Variants in GALNT1 observed in about 807,000 individuals in gnomAD.
GALNT1 encodes the protein GalNAc transferase 1.
A neutral mutation model predicts 65.7 loss-of-function variants in GALNT1; 17 were observed. That is an observed-to-expected ratio of 0.26 (90% CI 0.18 to 0.39). The LOEUF (loss-of-function observed/expected upper bound fraction) is 0.39. Among genes scored for constraint, GALNT1 ranks in the 10% least tolerant of loss-of-function variants. The probability of loss-of-function intolerance (pLI) is 1.00; values close to 1 mark genes in which losing one functional copy is unlikely to be tolerated. For missense variants in GALNT1, 460 were observed against 672.8 expected, an observed-to-expected ratio of 0.68 and a Z score of 3.50; for synonymous variants, 210 against 219.7, an observed-to-expected ratio of 0.96 and a Z score of 0.39.
At chr18:35,615,654 A>G (rs1273979738) in intron 1 of GALNT1, among the ~76,000 whole-genome samples, 1 of 152,226 alleles carries the variant, frequency 6.6e-6, no homozygotes, top group Non-Finnish European at 1.5e-5. Flanking sequence ...TTGCATACAA[A>G]GGATAAGGAT....
At chr18:35,593,192 C>T (rs2046465360) in intron 1 of GALNT1, among the ~76,000 whole-genome samples, 1 of 152,118 alleles carries the variant, frequency 6.6e-6, no homozygotes, top group South Asian at 2.1e-4. Flanking sequence ...ACGTGATTTC[C>T]TCATTAGGAG....
chr18:35,646,873 A>G (rs943843616), intron 1 of GALNT1, among the ~76,000 whole-genome samples: 1 of 152,102 alleles, frequency 6.6e-6, no homozygotes, highest in Non-Finnish European at 1.5e-5. Context: ...TGAAGGTTCA[A>G]AGGCACCTCA....
chr18:35,644,614 C>T (rs1362978270), intron 1 of GALNT1, among the ~76,000 whole-genome samples: 2 of 152,168 alleles, frequency 1.3e-5, no homozygotes, highest in Non-Finnish European at 2.9e-5. Flanking sequence ...CACCAATTTT[C>T]TTTGTAGTAG....
At chr18:35,612,464 TTA>T (rs1288541681) in intron 1 of GALNT1, among the ~76,000 whole-genome samples, 1 of 152,244 alleles carries the variant, frequency 6.6e-6, no homozygotes, top group Non-Finnish European at 1.5e-5. Flanking sequence ...GTGTTTATTT[TTA>T]TATTTGTTTA....
intron 1 of GALNT1, among the ~76,000 whole-genome samples, chr18:35,618,379 T>A (rs1430358294): frequency 1.3e-5 from 2 of 152,164 alleles, no homozygotes; most frequent in Non-Finnish European, 2.9e-5. Flanking sequence ...GACTGTAATG[T>A]GTGTTTGAAA....
At chr18:35,663,141 G>A (rs931165080) in intron 2 of GALNT1, among the ~76,000 whole-genome samples, 4 of 152,334 alleles carry the variant, frequency 2.6e-5, no homozygotes, top group Admixed American at 1.3e-4. Context: ...GATGGAAGCC[G>A]TGAGGGGATG....
intron 3 of GALNT1, among the ~76,000 whole-genome samples, chr18:35,674,422 A>G (rs940485395): frequency 2.0e-5 from 3 of 152,120 alleles, no homozygotes; most frequent in African/African-American, 4.8e-5. Flanking sequence ...TGCCCTGGGT[A>G]TCCACCACAT....
At chr18:35,591,223 C>G (rs1048365235) in intron 1 of GALNT1, among the ~76,000 whole-genome samples, 1 of 152,162 alleles carries the variant, frequency 6.6e-6, no homozygotes, top group African/African-American at 2.4e-5. Context: ...GTGGCAGGAG[C>G]TTTTCACTGG....
Position 35,663,782 on chromosome 18 carries a change from A to G in GALNT1, c.294A>G (p.Leu98=), listed in dbSNP as rs747066520. ...ASEMIALNRS[L]PDVRLEGCKT... is the part of the protein sequence containing the mutation. ...AGATGATTGCACTCAACAGATCTTT[A>G]CCAGATGTTAGGTTAGAAGGGTAAG... Residue 98 remains leucine (L), a synonymous_variant, in exon 3 of 12, where the codon TTA becomes TTG. Transcript: ENST00000269195. 2.5e-6 allele frequency: 4 copies of G among 1,613,608 alleles called. No individual in the cohort carries two copies. In the Admixed American group the frequency reaches 5.0e-5, roughly 20 times the overall value.
intron 1 of GALNT1, among the ~76,000 whole-genome samples, chr18:35,652,057 T>TA (rs1423344302): frequency 6.6e-6 from 1 of 151,084 alleles, no homozygotes; most frequent in Non-Finnish European, 1.5e-5. Context: ...AACAACAAAG[T>TA]AAAAAAAATC....
chr18:35,664,783 A>G (rs992950034), intron 3 of GALNT1, among the ~76,000 whole-genome samples: 11 of 152,214 alleles, frequency 7.2e-5, no homozygotes, highest in African/African-American at 2.2e-4. Flanking sequence ...GTGAACATGT[A>G]CATTCTGTGC....
In GALNT1 at chr18:35,605,516, A is replaced by T. The variant is rs554734707; in HGVS notation, c.-104+23654A>T. On this transcript the variant is annotated intron_variant, in intron 1 of 11. Transcript: ENST00000269195. Reference sequence around the variant, plus strand: ...AAAAAAAAAAAAAAGAAAAAGAAAAATTTTTTTCTCTCAGGTGCTTAAAAC... The same window carrying T: ...AAAAAAAAAAAAAAGAAAAAGAAAATTTTTTTTCTCTCAGGTGCTTAAAAC... Among the ~76,000 whole-genome samples, 71 of 151,102 alleles carry T rather than the reference A, an allele frequency of 4.7e-4. No individual in the cohort carries two copies. In the East Asian group the frequency reaches 0.013, roughly 27 times the overall value.
At chr18:35,651,050 T>C (rs1251371432) in intron 1 of GALNT1, among the ~76,000 whole-genome samples, 1 of 152,188 alleles carries the variant, frequency 6.6e-6, no homozygotes, top group Non-Finnish European at 1.5e-5. Context: ...CTAATAAATG[T>C]CCATGAAATC....
chr18:35,581,582 A>AGTGGCGGC (rs1555644073), upstream of GALNT1, among the ~76,000 whole-genome samples: 1 of 137,440 alleles, frequency 7.3e-6, no homozygotes, highest in South Asian at 2.3e-4. Flanking sequence ...GTGAGCGGGC[A>AGTGGCGGC]GGCGGCGCGC....
At chr18:35,663,881 G>T in intron 3 of GALNT1, 79 bp downstream of exon 3, 1 of 1,356,734 alleles carries the variant, frequency 7.4e-7, no homozygotes, top group Non-Finnish European at 1.0e-6. Context: ...CTTGAGTGCT[G>T]ATTGTTCTTA....
At chr18:35,702,873 T>G (rs935140405) in intron 9 of GALNT1, 24 bp from the exon 10 acceptor site, 7 of 1,496,572 alleles carry the variant, frequency 4.7e-6, no homozygotes, top group Non-Finnish European at 6.4e-6. Context: ...ACTCCTGATA[T>G]TTTCATTATT....
intron 1 of GALNT1, among the ~76,000 whole-genome samples, chr18:35,582,560 A>C (rs2046335319): frequency 6.6e-6 from 1 of 152,220 alleles, no homozygotes; most frequent in Admixed American, 6.5e-5. Flanking sequence ...CCACTGAGCT[A>C]ACCAACCCGT....
chr18:35,609,445 C>T (rs2046689983), intron 1 of GALNT1, among the ~76,000 whole-genome samples: 1 of 152,114 alleles, frequency 6.6e-6, no homozygotes, highest in Non-Finnish European at 1.5e-5. Flanking sequence ...GGTGTTTGCT[C>T]TTGGATAATT....
At chr18:35,699,547 G>C (rs1041944778) in intron 9 of GALNT1, among the ~76,000 whole-genome samples, 1 of 152,214 alleles carries the variant, frequency 6.6e-6, no homozygotes, top group African/African-American at 2.4e-5. Flanking sequence ...GCTGTAGACT[G>C]TGTGTACACC....
Sources: allele counts gnomAD v4.1 joint callset (sites outside exome capture counted in the v4.1 genomes callset), GRCh38; gene constraint gnomAD v4.1.1; transcripts MANE v1.5; gene names NCBI Gene and HGNC (gene_info 2026-07-23, HGNC 2026-07-21).